The following PLA2G15 variants were observed in gnomAD, a reference collection of about 807,000 sequenced individuals.
The protein encoded by PLA2G15 is phospholipase A2 group XV.
A neutral mutation model predicts 40.9 loss-of-function variants in PLA2G15; 20 were observed. The observed-to-expected ratio is 0.49, with a 90% CI of 0.34 to 0.71. The LOEUF (loss-of-function observed/expected upper bound fraction) is 0.71. Among genes scored for constraint, PLA2G15 ranks in the 30% least tolerant of loss-of-function variants. PLA2G15 has a pLI of 0.01. For synonymous variants in PLA2G15, 223 were observed against 228.2 expected (o/e 0.98, Z 0.21); for missense variants, 471 against 541.9 (o/e 0.87, Z 1.30).
intron 2 of PLA2G15, among the ~76,000 whole-genome samples, chr16:68,252,254 A>G (rs757766438): frequency 3.2e-4 from 49 of 152,196 alleles, no homozygotes; most frequent in Non-Finnish European, 2.2e-4. Flanking sequence ...CCTGGAGAGA[A>G]TGGGCCTCCA....
chr16:68,257,067 G>T (rs540689797), intron 5 of PLA2G15, among the ~76,000 whole-genome samples: 8 of 151,750 alleles, frequency 5.3e-5, no homozygotes, highest in African/African-American at 1.9e-4. Flanking sequence ...TTTTAGTAGA[G>T]ACTGGGTTTC....
At position 68,245,478 on chromosome 16, in the gene PLA2G15, C is replaced by G. The variant is rs922650853; in HGVS notation, c.52C>G (p.Leu18Val). 7 of 1,606,704 alleles carry G rather than the reference C, an allele frequency of 4.4e-6. No homozygotes were observed. Among genetic ancestry groups the G allele is most frequent in the Non-Finnish European group, 5.1e-6 (6 of 1,179,678 alleles). Reference sequence around the variant, plus strand: ...TGTGGGGCTGCTCCCGGATGGCCTCCTGTTCCTCTTGCTGCTGCTAATGCT... The same window carrying G: ...TGTGGGGCTGCTCCCGGATGGCCTCGTGTTCCTCTTGCTGCTGCTAATGCT... ...YRVGLLPDGL[L>V]FLLLLLMLLA... Residue 18 changes from leucine to valine, a missense_variant, in exon 1 of 6, where the codon CTG becomes GTG. Leu to Val is a conservative substitution (Grantham distance 32, BLOSUM62 1). Coordinates refer to ENST00000219345, the MANE Select transcript of PLA2G15 (RefSeq NM_012320.4).
intron 2 of PLA2G15, 78 bp downstream of exon 2, chr16:68,249,524 C>T (rs2042336998): frequency 7.2e-7 from 1 of 1,384,018 alleles, no homozygotes; most frequent in Non-Finnish European, 1.0e-6. Context: ...TTCCTTCTAT[C>T]CTCATCTCGA....
At chr16:68,251,895 G>A (rs1023856423) in intron 2 of PLA2G15, among the ~76,000 whole-genome samples, 1 of 149,966 alleles carries the variant, frequency 6.7e-6, no homozygotes, top group East Asian at 2.0e-4. Context: ...CCAGAGACCC[G>A]CTAGCTGCTC....
chr16:68,259,196 C>T lies in PLA2G15; in HGVS notation c.778C>T (p.Gln260Ter). 1 of 1,613,716 alleles carries T rather than the reference C, an allele frequency of 6.2e-7. No individual in the cohort carries two copies. The highest frequency in any genetic ancestry group is 8.5e-7 in the Non-Finnish European group (1 of 1,179,884). ...VIGPLKIREQ[Q>*]RSAVSTSWLL... The stretch of plus-strand genomic sequence containing the variant: ...CGGGCCCCTGAAGATCCGGGAGCAG[C>T]AGCGGTCAGCTGTCTCCACCAGCTG... The change falls in exon 6 of 6, where the codon CAG becomes TAG. Residue 260 changes from glutamine (Q) to a stop codon, truncating the protein, a stop_gained. Coordinates refer to ENST00000219345, the MANE Select transcript of PLA2G15 (RefSeq NM_012320.4). LOFTEE classifies it high-confidence loss of function. The surrounding 1 kb of genome is among the most constrained non-coding windows in gnomAD (Gnocchi z 6.5).
At chr16:68,249,515 T>G in intron 2 of PLA2G15, 69 bp downstream of exon 2, 1 of 1,418,064 alleles carries the variant, frequency 7.1e-7, no homozygotes, top group Admixed American at 1.7e-5. Flanking sequence ...CAGAGTCTGT[T>G]CCTTCTATCC....
chr16:68,255,353 G>A lies in PLA2G15; in HGVS notation c.475G>A (p.Ala159Thr). 1 of 1,612,922 alleles carries A rather than the reference G, an allele frequency of 6.2e-7. No individual in the cohort carries two copies. Among genetic ancestry groups the A allele is most frequent in the Non-Finnish European group, 8.5e-7 (1 of 1,179,398 alleles). Residue 159 changes from alanine to threonine, a missense_variant, in exon 4 of 6, where the codon GCT (alanine) becomes ACT (threonine). Transcript: ENST00000219345. The surrounding 1 kb of genome is among the most constrained non-coding windows in gnomAD (Gnocchi z 5.9). ...CACACGGGGTGAGGATGTCCGAGGG[G>A]CTCCCTATGACTGGCGCCGAGCCCC... ...GYTRGEDVRGAPYDWRRAPNE... is the reference protein window; with the variant it reads ...GYTRGEDVRGTPYDWRRAPNE...
At chr16:68,254,204 G>A (rs2042381052) in intron 2 of PLA2G15, 1 of 152,188 alleles carries the variant, frequency 6.6e-6, no homozygotes. Flanking sequence ...GGTCACGGGG[G>A]AGAGGGGAAT....
At position 68,260,719 on chromosome 16, in the gene PLA2G15, G is replaced by A. The variant is rs1756694575; in HGVS notation, c.*1062G>A. ...GAATGGGACCCTGAGAGAGCCAGGG[G>A]TCCCCTGAGGCCCCCCTAGGGGCTT... On this transcript the variant is annotated 3_prime_UTR_variant, in exon 6 of 6. Transcript: ENST00000219345. 6.6e-6 allele frequency: 1 copy of A among 152,242 alleles called. No homozygotes were observed. The highest frequency in any genetic ancestry group is 2.4e-5 in the African/African-American group (1 of 41,446). The allele number at this position is 152,242 out of a possible 1,614,324, so 9.4% of individuals were successfully genotyped here. A position where few individuals can be genotyped will look rare whatever the true frequency, so the allele number is the denominator to read the frequency against.
Position 68,259,644 on chromosome 16 carries a change from T to A in PLA2G15, c.1226T>A (p.Leu409His). ...ACCCTGGCCTATCTGAAACGTGTGC[T>A]CCTTGGGCCCTGACTCCTGTGCCAC... ...ATTLAYLKRV[L>H]LGP The change falls in exon 6 of 6, where the codon CTC (leucine) becomes CAC (histidine). Residue 409 changes from leucine to histidine, a missense_variant. Coordinates refer to ENST00000219345, the MANE Select transcript of PLA2G15 (RefSeq NM_012320.4). This position sits in a 1 kb window ranked among gnomAD's most constrained non-coding sequence, Gnocchi z 6.5. 1 of 1,611,660 alleles carries A rather than the reference T, an allele frequency of 6.2e-7. No homozygotes were observed. Among genetic ancestry groups the A allele is most frequent in the Middle Eastern group, 1.7e-4 (1 of 5,974 alleles).
rs546315037 is a variant in PLA2G15, at chr16:68,255,515, G to A, written c.502+135G>A. The A allele has an allele frequency of 9.0e-6, 6 of 668,258 alleles. No individual in the cohort carries two copies. The African/African-American group carries it at 1.1e-4, about 12-fold the overall frequency. 41.4% of individuals were successfully genotyped at this position (668,258 alleles called of 1,614,324 possible). ...CTGGGCCTCTGGCATCCAGTCTAGT[G>A]GTCACAGCCACCACCTTTGGTCAGT... On this transcript the variant is annotated intron_variant, in intron 4 of 5. Transcript: ENST00000219345. The surrounding 1 kb of genome is among the most constrained non-coding windows in gnomAD (Gnocchi z 5.9).
intron 5 of PLA2G15, among the ~76,000 whole-genome samples, chr16:68,257,161 A>T (rs2042408480): frequency 6.6e-6 from 1 of 152,024 alleles, no homozygotes; most frequent in Non-Finnish European, 1.5e-5. Context: ...TGCTGGGATT[A>T]CAAGCATGAA....
At chr16:68,254,744 G>A (rs2042386639) in intron 2 of PLA2G15, 175 bp from the exon 3 acceptor site, 8 of 597,908 alleles carry the variant, frequency 1.3e-5, no homozygotes, top group Non-Finnish European at 2.4e-5. Flanking sequence ...CTAAGTGCTG[G>A]GATTACAGGT....
chr16:68,252,962 G>A (rs907761733), intron 2 of PLA2G15, among the ~76,000 whole-genome samples: 3 of 152,176 alleles, frequency 2.0e-5, no homozygotes, highest in African/African-American at 7.2e-5. Flanking sequence ...AACAGAGTGA[G>A]ACCCTGTCTC....
chr16:68,246,628 C>T (rs1263752158), intron 1 of PLA2G15, among the ~76,000 whole-genome samples: 2 of 152,140 alleles, frequency 1.3e-5, no homozygotes, highest in African/African-American at 4.8e-5. Flanking sequence ...GCAGACTTGG[C>T]CCTGCCTCCC....
chr16:68,245,505 C>A lies in PLA2G15; in HGVS notation c.79C>A (p.Leu27Ile). ...LLFLLLLLML[L>I]ADPALPAGRH... ...GTTCCTCTTGCTGCTGCTAATGCTG[C>A]TCGCGGACCCAGCGCTCCCGGCCGG... is the stretch of plus-strand genomic sequence containing the variant. The change falls in exon 1 of 6, where the codon CTC becomes ATC. Residue 27 changes from leucine to isoleucine, a missense_variant. By Grantham distance (5) the Leu-to-Ile change is conservative (BLOSUM62 2). Coordinates refer to ENST00000219345, the MANE Select transcript of PLA2G15 (RefSeq NM_012320.4). 6.2e-7 allele frequency: 1 copy of A among 1,603,188 alleles called. No individual in the cohort carries two copies. The highest frequency in any genetic ancestry group is 1.3e-5 in the African/African-American group (1 of 74,886).
intron 5 of PLA2G15, among the ~76,000 whole-genome samples, chr16:68,258,542 T>C (rs1458754887): frequency 6.6e-6 from 1 of 152,004 alleles, no homozygotes; most frequent in Non-Finnish European, 1.5e-5. Flanking sequence ...GGTTCCCAGA[T>C]GTAGCAAAAA....
At chr16:68,253,679 G>GTGTTT (rs1258125249) in intron 2 of PLA2G15, among the ~76,000 whole-genome samples, 1 of 128,322 alleles carries the variant, frequency 7.8e-6, no homozygotes, top group Non-Finnish European at 1.6e-5. Context: ...CTGGCCTAGT[G>GTGTTT]TGTTTTGTTT....
chr16:68,248,517 C>G (rs1364841652), intron 1 of PLA2G15: 2 of 163,250 alleles, frequency 1.2e-5, no homozygotes, highest in African/African-American at 4.8e-5. Context: ...TCCTGAGTAG[C>G]TGGGATTACA....
Sources: gnomAD v4.1 joint callset for allele counts (sites outside exome capture counted in the v4.1 genomes callset) on GRCh38, gnomAD v4.1.1 for gene constraint, Gnocchi (gnomAD v3.1) non-coding constraint, MANE v1.5 for transcripts, NCBI Gene and HGNC (gene_info 2026-07-23, HGNC 2026-07-21) for gene names.